ZNF865: variants seen among roughly 807,000 people sequenced by gnomAD.
The protein encoded by ZNF865 is zinc finger protein 865.
For synonymous variants in ZNF865, 763 were observed against 750.8 expected, an observed-to-expected ratio of 1.02 and a Z score of -0.27; for missense variants, 1,311 against 1,593.4, an observed-to-expected ratio of 0.82 and a Z score of 3.02.
chr19:55,615,214 CGCGGGGACCAGCGGG>C lies in ZNF865; in HGVS notation c.1602_1616del (p.Thr535_Gly539del). On this transcript the variant is annotated inframe_deletion, in exon 2 of 2. Coordinates refer to ENST00000568956, the MANE Select transcript of ZNF865 (RefSeq NM_001195605.2). ...GCGCCCACCCGCTGCTGCTCGGCGG[CGCGGGGACCAGCGGG>C]GCGGGAGGCTCGGGCGCCAGCGTCC... is the stretch of plus-strand genomic sequence containing the variant. 6.8e-7 allele frequency: 1 copy of C among 1,470,980 alleles called. No homozygotes were observed. Among genetic ancestry groups the C allele is most frequent in the Non-Finnish European group, 8.9e-7 (1 of 1,120,682 alleles). The allele number at this position is 1,470,980 out of a possible 1,614,324, so 91.1% of individuals were successfully genotyped here. A position where few individuals can be genotyped will look rare whatever the true frequency, so the allele number is the denominator to read the frequency against.
At chr19:55,612,893 C>T (rs897781442) in intron 1 of ZNF865, 6 of 152,232 alleles carry the variant, frequency 3.9e-5, no homozygotes, top group Non-Finnish European at 7.3e-5. Context: ...AGAGTCCTCC[C>T]TCCTAATTAC....
chr19:55,608,580 C>G (rs748071793), intron 1 of ZNF865, among the ~76,000 whole-genome samples: 22 of 152,082 alleles, frequency 1.4e-4, no homozygotes, highest in Non-Finnish European at 3.2e-4. Context: ...TCCAAAAATG[C>G]TGGGATTACA....
chr19:55,613,900 G>A lies in ZNF865; in HGVS notation c.282G>A (p.Ser94=). The change falls in exon 2 of 2, where the codon TCG becomes TCA. Residue 94 remains serine (S), a synonymous_variant. Transcript: ENST00000568956. ...AGCCCAAGGCGGAGGTGCCCTCCTC[G>A]TCCTCGTCCTCGTCCTCCTCCTCCT... ...TFKPKAEVPS[S]SSSSSSSSSS... The A allele has an allele frequency of 2.7e-6, 4 of 1,501,654 alleles. No homozygotes were observed. The South Asian group carries it at 3.6e-5, about 14-fold the overall frequency. 93.0% of individuals were successfully genotyped at this position (1,501,654 alleles called of 1,614,324 possible).
Position 55,613,576 on chromosome 19 carries a change from C to A in ZNF865, c.-26-17C>A, listed in dbSNP as rs925376389. The A allele has an allele frequency of 5.4e-6, 8 of 1,482,952 alleles. No homozygotes were observed. The highest frequency in any genetic ancestry group is 1.4e-5 in the African/African-American group (1 of 71,414). 91.9% of individuals were successfully genotyped at this position (1,482,952 alleles called of 1,614,324 possible). ...AGCGCCGCGGCCGTGTCCTCAGCCC[C>A]GTCCTCCTCTTCACAGGGTCTCCCG... On this transcript the variant is annotated splice_polypyrimidine_tract_variant and intron_variant, in intron 1 of 1. Transcript: ENST00000568956.
intron 1 of ZNF865, among the ~76,000 whole-genome samples, chr19:55,606,433 C>T (rs1173584430): frequency 1.3e-5 from 2 of 152,214 alleles, no homozygotes; most frequent in Non-Finnish European, 2.9e-5. Context: ...GTAGAAATAT[C>T]CGCCTGCTTA....
intron 1 of ZNF865, among the ~76,000 whole-genome samples, chr19:55,606,609 G>C (rs753288271): frequency 6.6e-6 from 1 of 152,212 alleles, no homozygotes; most frequent in Non-Finnish European, 1.5e-5. Context: ...AACAACTGTT[G>C]CCCTGACCTG....
At chr19:55,608,419 A>G (rs1407477376) in intron 1 of ZNF865, among the ~76,000 whole-genome samples, 2 of 147,216 alleles carry the variant, frequency 1.4e-5, no homozygotes, top group South Asian at 2.1e-4. Flanking sequence ...GGTTCAAGTG[A>G]TTCTCCTGCC....
rs550224584 is a variant in ZNF865 at position 55,610,529 on chromosome 19, G to A, written c.-26-3064G>A. ...TCCTGCCTTGGCCTCCCAAAGTGCC[G>A]GGATTACAGGTGTGGGCCACCGCAC... On this transcript the variant is annotated intron_variant, in intron 1 of 1. Transcript: ENST00000568956. Among the ~76,000 whole-genome samples, 6 of 152,284 alleles carry A rather than the reference G, an allele frequency of 3.9e-5. No individual in the cohort carries two copies. The South Asian group carries it at 6.2e-4, about 16-fold the overall frequency.
Position 55,616,606 on chromosome 19 carries a change from G to A in ZNF865, c.2988G>A (p.Lys996=). The A allele has an allele frequency of 2.0e-6, 3 of 1,526,156 alleles. No homozygotes were observed. In the South Asian group the frequency reaches 3.6e-5, roughly 18 times the overall value. 94.5% of individuals were successfully genotyped at this position (1,526,156 alleles called of 1,614,324 possible). The change falls in exon 2 of 2, where the codon AAG becomes AAA. Residue 996 remains lysine, a synonymous_variant. Coordinates refer to ENST00000568956, the MANE Select transcript of ZNF865 (RefSeq NM_001195605.2). Reference sequence around the variant, plus strand: ...AGCTCCGCTGCCCCGCCTGCCTCAAGGCCTTCAAGGATCCCGGCTACTTCC... The same window carrying A: ...AGCTCCGCTGCCCCGCCTGCCTCAAAGCCTTCAAGGATCCCGGCTACTTCC... ...RPELRCPACL[K]AFKDPGYFRK... is the part of the protein sequence containing the mutation.
In ZNF865 at chr19:55,616,402, G is replaced by A; in HGVS notation, c.2784G>A (p.Val928=). Residue 928 remains valine, a synonymous_variant, in exon 2 of 2, where the codon GTG becomes GTA. Transcript: ENST00000568956. ...SLAEHRRLHA[V]ARPQRCSACG... is the part of the protein sequence containing the mutation. The stretch of plus-strand genomic sequence containing the variant: ...CAGAGCACCGGCGGCTGCACGCTGT[G>A]GCCCGGCCCCAGCGCTGCAGCGCCT... The A allele has an allele frequency of 6.6e-7, 1 of 1,507,458 alleles. No individual in the cohort carries two copies. The highest frequency in any genetic ancestry group is 8.8e-7 in the Non-Finnish European group (1 of 1,134,024). 93.4% of individuals were successfully genotyped at this position (1,507,458 alleles called of 1,614,324 possible).
intron 1 of ZNF865, among the ~76,000 whole-genome samples, chr19:55,609,208 G>A (rs369876435): frequency 1.3e-5 from 2 of 152,004 alleles, no homozygotes; most frequent in Non-Finnish European, 2.9e-5. Flanking sequence ...TAGTAGAGAC[G>A]GGGTTTCACT....
At chr19:55,609,788 G>A (rs1981067104) in intron 1 of ZNF865, among the ~76,000 whole-genome samples, 1 of 152,200 alleles carries the variant, frequency 6.6e-6, no homozygotes, top group Admixed American at 6.6e-5. Context: ...TCCCTTGGTG[G>A]TGGTGGTGGA....
intron 1 of ZNF865, among the ~76,000 whole-genome samples, chr19:55,612,176 C>T (rs1981161919): frequency 1.3e-5 from 2 of 152,142 alleles, no homozygotes; most frequent in Admixed American, 1.3e-4. Flanking sequence ...TGTTCTGTTC[C>T]AACCCTGTTG....
At chr19:55,613,248 G>T (rs1298402925) in intron 1 of ZNF865, among the ~76,000 whole-genome samples, 1 of 152,068 alleles carries the variant, frequency 6.6e-6, no homozygotes, top group Admixed American at 6.6e-5. Context: ...ATAATAGAGG[G>T]CCTGCAGGTG....
chr19:55,616,697 G>A lies in ZNF865; in HGVS notation c.3079G>A (p.Ala1027Thr), dbSNP rs776951139. Residue 1027 changes from alanine to threonine, a missense_variant, in exon 2 of 2, where the codon GCC becomes ACC. Transcript: ENST00000568956. ...CTGCTCCTCCTGCGGCGAGGGCTTC[G>A]CCAACACCTACGGCCTCAAGAAACA... Reference protein sequence around the residue: ...FRCSSCGEGFANTYGLKKHRL... With the variant: ...FRCSSCGEGFTNTYGLKKHRL... The A allele has an allele frequency of 1.4e-5, 22 of 1,528,800 alleles. No individual in the cohort carries two copies. The East Asian group carries it at 4.4e-4, about 31-fold the overall frequency. The allele number at this position is 1,528,800 out of a possible 1,614,324, so 94.7% of individuals were successfully genotyped here.
In ZNF865 at chr19:55,611,610, G is replaced by T. The variant is rs74494178; in HGVS notation, c.-26-1983G>T. ...TAAAAATATCTCACTCCAGGATGGC[G>T]TTTGGGGTGGGGGTGGAAGAGACAC... On this transcript the variant is annotated intron_variant, in intron 1 of 1. Coordinates refer to ENST00000568956, the MANE Select transcript of ZNF865 (RefSeq NM_001195605.2). This position sits in a 1 kb window ranked among gnomAD's most constrained non-coding sequence, Gnocchi z 4.5. Among the ~76,000 whole-genome samples, 3 of 152,158 alleles carry T rather than the reference G, an allele frequency of 2.0e-5. No homozygotes were observed. Among genetic ancestry groups the T allele is most frequent in the Non-Finnish European group, 4.4e-5 (3 of 68,022 alleles).
In ZNF865 at chr19:55,617,042, C is replaced by A. The variant is rs1194591910; in HGVS notation, c.*244C>A. 2.4e-5 allele frequency: 10 copies of A among 421,096 alleles called. No homozygotes were observed. Among genetic ancestry groups the A allele is most frequent in the Non-Finnish European group, 3.7e-5 (9 of 241,680 alleles). 26.1% of individuals were successfully genotyped at this position (421,096 alleles called of 1,614,324 possible). A position where few individuals can be genotyped will look rare whatever the true frequency, so the allele number is the denominator to read the frequency against. ...TCCTCCGTCCAACCCTCGTTTGTGA[C>A]CCGCATCAGCCCCCGCCCCAGCAGC... is the stretch of plus-strand genomic sequence containing the variant. On this transcript the variant is annotated 3_prime_UTR_variant, in exon 2 of 2. Transcript: ENST00000568956.
chr19:55,608,312 CTTTTTTTTT>C (rs758447041), intron 1 of ZNF865, among the ~76,000 whole-genome samples: 1 of 125,292 alleles, frequency 8.0e-6, no homozygotes, highest in Non-Finnish European at 1.7e-5. Context: ...AGGACTGTGG[CTTTTTTTTT>C]TTTTTTTTTT....
Position 55,616,129 on chromosome 19 carries a change from A to G in ZNF865, c.2511A>G (p.Leu837=). Residue 837 remains leucine (L), a synonymous_variant, in exon 2 of 2, where the codon CTA becomes CTG. Transcript: ENST00000568956. ...TCGCGGGCGCCTACGACTTGCTCCTACACCGCCGCAGCCATCGGCAGAAGC... is the reference window on the plus strand; with the variant it reads ...TCGCGGGCGCCTACGACTTGCTCCTGCACCGCCGCAGCCATCGGCAGAAGC... The part of the protein sequence containing the change: ...QSFAGAYDLL[L]HRRSHRQKRG... 1 of 1,494,932 alleles carries G rather than the reference A, an allele frequency of 6.7e-7. No individual in the cohort carries two copies. The allele number at this position is 1,494,932 out of a possible 1,614,324, so 92.6% of individuals were successfully genotyped here.
Sources: gnomAD v4.1 joint callset for allele counts (sites outside exome capture counted in the v4.1 genomes callset) on GRCh38, gnomAD v4.1.1 for gene constraint, Gnocchi (gnomAD v3.1) non-coding constraint, MANE v1.5 for transcripts, NCBI Gene and HGNC (gene_info 2026-07-23, HGNC 2026-07-21) for gene names.